CECR2: variants seen among roughly 807,000 people sequenced by gnomAD.
CECR2 encodes chromatin remodeling regulator CECR2.
In CECR2, 30 loss-of-function variants were observed where a neutral mutation model predicts 154.5. The ratio of observed to expected loss-of-function variants is 0.19; its 90% CI spans 0.15 to 0.26. The LOEUF (loss-of-function observed/expected upper bound fraction) is 0.26, where lower values mean the gene tolerates loss of function less well. Ranked by LOEUF, CECR2 falls within the 10% of genes least tolerant of loss-of-function variation. The pLI is 1.00. For synonymous variants in CECR2, 725 were observed against 683.7 expected, an observed-to-expected ratio of 1.06 and a Z score of -0.94; for missense variants, 1,743 against 1,829.3, an observed-to-expected ratio of 0.95 and a Z score of 0.86.
At chr22:17,394,114 C>T (rs546933493) in intron 1 of CECR2, among the ~76,000 whole-genome samples, 21 of 150,998 alleles carry the variant, frequency 1.4e-4, no homozygotes, top group African/African-American at 4.6e-4. Flanking sequence ...CTTGAACTCC[C>T]GACCTCAGGT....
At position 17,540,812 on chromosome 22, in the gene CECR2, A is replaced by G; in HGVS notation, c.1884+12A>G. ...TTTTAAACCAGATGGTAAGGAATAG[A>G]GTGGAGACTGTTGCGGTTTCTCCTA... On this transcript the variant is annotated intron_variant, in intron 14 of 18. Transcript: ENST00000262608. 1 of 1,528,682 alleles carries G rather than the reference A, an allele frequency of 6.5e-7. No individual in the cohort carries two copies. 94.7% of individuals were successfully genotyped at this position (1,528,682 alleles called of 1,614,324 possible).
intron 1 of CECR2, among the ~76,000 whole-genome samples, chr22:17,446,068 G>T (rs1028415220): frequency 7.2e-5 from 11 of 152,062 alleles, no homozygotes; most frequent in African/African-American, 2.4e-4. Flanking sequence ...TGGATCAATG[G>T]TGCCAGCATC....
chr22:17,447,913 A>G (rs997405056), intron 1 of CECR2, among the ~76,000 whole-genome samples: 2 of 152,000 alleles, frequency 1.3e-5, no homozygotes, highest in African/African-American at 2.4e-5. Flanking sequence ...TTAAGTGGCT[A>G]TGTGGCTCGT....
At chr22:17,456,877 C>G (rs1426050892) in intron 1 of CECR2, among the ~76,000 whole-genome samples, 1 of 152,202 alleles carries the variant, frequency 6.6e-6, no homozygotes, top group Non-Finnish European at 1.5e-5. Flanking sequence ...CATGTGCACT[C>G]TTCCATATTA....
upstream of CECR2, among the ~76,000 whole-genome samples, chr22:17,368,527 A>G (rs1235079182): frequency 2.0e-5 from 3 of 152,030 alleles, no homozygotes; most frequent in Non-Finnish European, 4.4e-5. Context: ...GCAGTACTCC[A>G]CCGCGCTACA....
At chr22:17,424,472 G>A (rs2054301658) in intron 1 of CECR2, 1 of 158,122 alleles carries the variant, frequency 6.3e-6, no homozygotes, top group Non-Finnish European at 1.4e-5. Context: ...CAGTCGATGG[G>A]CAAAGCTGTG....
At chr22:17,496,799 A>G (rs938042138) in intron 2 of CECR2, among the ~76,000 whole-genome samples, 4 of 152,222 alleles carry the variant, frequency 2.6e-5, no homozygotes, top group Non-Finnish European at 5.9e-5. Flanking sequence ...CCTCAGCTTC[A>G]TAACCTACAC....
At chr22:17,412,569 C>CTT (rs765453462) in intron 1 of CECR2, among the ~76,000 whole-genome samples, 58 of 152,304 alleles carry the variant, frequency 3.8e-4, no homozygotes, top group Admixed American at 1.3e-3. Flanking sequence ...CTCCTACCTT[C>CTT]ACCAGAGGTA....
intron 2 of CECR2, among the ~76,000 whole-genome samples, chr22:17,483,666 A>G (rs1360211009): frequency 6.6e-6 from 1 of 152,254 alleles, no homozygotes; most frequent in Non-Finnish European, 1.5e-5. Flanking sequence ...AAAGAATCAA[A>G]AAGTTAAAAG....
In CECR2 at chr22:17,497,564, A is replaced by G; in HGVS notation, c.383A>G (p.Asp128Gly). The G allele has an allele frequency of 1.2e-6, 2 of 1,613,962 alleles. No homozygotes were observed. The highest frequency in any genetic ancestry group is 1.3e-5 in the African/African-American group (1 of 75,028). Residue 128 changes from aspartate (D) to glycine (G), a missense_variant, in exon 3 of 19, where the codon GAC becomes GGC. By Grantham distance (94) the Asp-to-Gly change is moderately conservative (BLOSUM62 -1). This residue lies in a region of CECR2 where 98 missense variants were observed against 169.3 expected (regional missense o/e 0.58). Coordinates refer to ENST00000262608, the MANE Select transcript of CECR2 (RefSeq NM_001290047.2). ...CTCTGTGATTACCGGCTGGATGCAG[A>G]CGATGTCTTCGATCTTCTAAAGGTA... Reference protein sequence around the residue: ...HRLCDYRLDADDVFDLLKGLD... With the variant: ...HRLCDYRLDAGDVFDLLKGLD...
intron 8 of CECR2, 43 bp downstream of exon 8, chr22:17,511,939 A>G: frequency 6.9e-7 from 1 of 1,442,518 alleles, no homozygotes; most frequent in Non-Finnish European, 9.5e-7. Context: ...TTCCTGATGA[A>G]AGAGACGGAT....
chr22:17,429,562 A>C lies in CECR2; in HGVS notation c.127-48026A>C, dbSNP rs900099451. On this transcript the variant is annotated intron_variant, in intron 1 of 18. Transcript: ENST00000262608. ...ACCAAAAACAAAAACAAAAACAAAG[A>C]AAAGAAAAGAAAAAAGAGATCTCAC... is the stretch of plus-strand genomic sequence containing the variant. 2.9e-4 allele frequency among the ~76,000 whole-genome samples: 43 copies of C among 150,766 alleles called. 1 individual carries two copies. Among genetic ancestry groups the C allele is most frequent in the African/African-American group, 9.6e-4 (39 of 40,622 alleles).
At chr22:17,372,479 A>G (rs1481768037) in intron 1 of CECR2, among the ~76,000 whole-genome samples, 2 of 152,178 alleles carry the variant, frequency 1.3e-5, no homozygotes, top group Non-Finnish European at 2.9e-5. Context: ...GAGACTGGCT[A>G]ACATGATGAA....
At chr22:17,383,822 G>A (rs1175996241) in intron 1 of CECR2, among the ~76,000 whole-genome samples, 3 of 151,746 alleles carry the variant, frequency 2.0e-5, no homozygotes, top group Admixed American at 1.3e-4. Flanking sequence ...GCACCACCAC[G>A]TCTGGCTAAT....
At chr22:17,474,830 GTTAT>G (rs1301251291) in intron 1 of CECR2, among the ~76,000 whole-genome samples, 1 of 152,124 alleles carries the variant, frequency 6.6e-6, no homozygotes, top group Non-Finnish European at 1.5e-5. Context: ...TGTGGCCTTT[GTTAT>G]TTATTTATTT....
intron 1 of CECR2, among the ~76,000 whole-genome samples, chr22:17,391,408 A>C (rs768747005): frequency 6.6e-6 from 1 of 152,236 alleles, no homozygotes; most frequent in Non-Finnish European, 1.5e-5. Flanking sequence ...CTAGTGAAGT[A>C]ATTACAACAG....
chr22:17,441,220 G>T (rs1601361991), intron 1 of CECR2, among the ~76,000 whole-genome samples: 1 of 152,176 alleles, frequency 6.6e-6, no homozygotes, highest in South Asian at 2.1e-4. Context: ...AAAGTGCTGG[G>T]ATTACAGGCG....
intron 7 of CECR2, among the ~76,000 whole-genome samples, chr22:17,505,234 G>A (rs2055817577): frequency 6.6e-6 from 1 of 151,864 alleles, no homozygotes; most frequent in Non-Finnish European, 1.5e-5. Flanking sequence ...AGTCCTCAGT[G>A]TCTACCACCC....
intron 9 of CECR2, chr22:17,524,900 CAAAT>C (rs2056232526): frequency 4.9e-6 from 2 of 404,358 alleles, no homozygotes; most frequent in South Asian, 3.4e-5. Flanking sequence ...CTGCTGACCT[CAAAT>C]GATCTTGCCG....
Sources: allele counts gnomAD v4.1 joint callset (sites outside exome capture counted in the v4.1 genomes callset), GRCh38; gene constraint gnomAD v4.1.1; regional missense constraint gnomAD v4.1.1; transcripts MANE v1.5; gene names NCBI Gene and HGNC (gene_info 2026-07-23, HGNC 2026-07-21).